Variants in RIC1 observed in about 807,000 individuals in gnomAD.
The protein encoded by RIC1 is RIC1 partner of RAB6A GEF complex.
In RIC1, 88 loss-of-function variants were observed where a neutral mutation model predicts 169.0. The observed-to-expected ratio is 0.52, with a 90% CI of 0.44 to 0.62. The LOEUF is 0.62. Among genes scored for constraint, RIC1 ranks in the 20% least tolerant of loss-of-function variants. The pLI is 0.00. For missense variants in RIC1, 1,877 were observed against 1,725.5 expected, an observed-to-expected ratio of 1.09 and a Z score of -1.56; for synonymous variants, 790 against 601.5, an observed-to-expected ratio of 1.31 and a Z score of -4.59.
chr9:5,721,174 G>A (rs1381470769), intron 6 of RIC1, among the ~76,000 whole-genome samples: 1 of 152,056 alleles, frequency 6.6e-6, no homozygotes, highest in East Asian at 1.9e-4. Flanking sequence ...TAGTTATTGT[G>A]ATTTTGATTA....
Position 5,754,942 on chromosome 9 carries a change from C to G in RIC1, c.1692+12C>G. 6.8e-7 allele frequency: 1 copy of G among 1,469,134 alleles called. No homozygotes were observed. The highest frequency in any genetic ancestry group is 1.8e-5 in the Admixed American group (1 of 55,580). 91.0% of individuals were successfully genotyped at this position (1,469,134 alleles called of 1,614,324 possible). A position where few individuals can be genotyped will look rare whatever the true frequency, so the allele number is the denominator to read the frequency against. The stretch of plus-strand genomic sequence containing the variant: ...ACCGTCAAGAAGAGGTAAGTTTTTT[C>G]TCTCAGAAATAACAGATTTTTATAT... On this transcript the variant is annotated intron_variant, in intron 15 of 25. Transcript: ENST00000414202.
chr9:5,701,784 T>G (rs1046892607), intron 3 of RIC1, among the ~76,000 whole-genome samples: 1 of 152,174 alleles, frequency 6.6e-6, no homozygotes, highest in Non-Finnish European at 1.5e-5. Context: ...CAATTTTGCT[T>G]TTAGTGAGAA....
intron 3 of RIC1, among the ~76,000 whole-genome samples, chr9:5,703,131 C>A (rs936530060): frequency 6.6e-6 from 1 of 152,148 alleles, no homozygotes; most frequent in African/African-American, 2.4e-5. Context: ...ACTCAAAAGT[C>A]CGAAGTCTCA....
chr9:5,710,199 G>A (rs932924957), intron 3 of RIC1, among the ~76,000 whole-genome samples: 10 of 152,166 alleles, frequency 6.6e-5, no homozygotes, highest in African/African-American at 1.9e-4. Context: ...AGAAGGACTG[G>A]TACTACAGAA....
chr9:5,630,802 T>C (rs1817681072), intron 1 of RIC1, among the ~76,000 whole-genome samples: 1 of 152,200 alleles, frequency 6.6e-6, no homozygotes, highest in Non-Finnish European at 1.5e-5. Flanking sequence ...ATATAAAGTA[T>C]CATCTGGTTC....
chr9:5,704,117 C>G (rs113079296), intron 3 of RIC1, among the ~76,000 whole-genome samples: 178 of 151,732 alleles, frequency 1.2e-3, no homozygotes, highest in Non-Finnish European at 2.0e-3. Context: ...ATGTGTATTT[C>G]CCTAATGATT....
Position 5,679,448 on chromosome 9 carries a change from G to A in RIC1, c.253-10511G>A, listed in dbSNP as rs185656450. 1.6e-3 allele frequency among the ~76,000 whole-genome samples: 237 copies of A among 152,260 alleles called. 1 individual carries two copies. The highest frequency in any genetic ancestry group is 0.014 in the East Asian group (73 of 5,184). On this transcript the variant is annotated intron_variant, in intron 2 of 25. Transcript: ENST00000414202. ...CCTTGAGCAGTATGGCTATTTTCAC[G>A]ATATTGATTCTTCCTATCCATGAGC...
intron 12 of RIC1, among the ~76,000 whole-genome samples, chr9:5,751,245 GTGAC>G (rs1318989614): frequency 6.6e-6 from 1 of 150,902 alleles, no homozygotes; most frequent in Non-Finnish European, 1.5e-5. Context: ...CCTGCTGTGA[GTGAC>G]TGCTGAAAAA....
chr9:5,721,559 A>C (rs955159971), intron 6 of RIC1, among the ~76,000 whole-genome samples: 1 of 152,220 alleles, frequency 6.6e-6, no homozygotes, highest in Non-Finnish European at 1.5e-5. Flanking sequence ...AGAATCACTC[A>C]GGAAACGGCA....
chr9:5,652,628 A>T (rs539714061), intron 1 of RIC1, among the ~76,000 whole-genome samples: 4 of 151,842 alleles, frequency 2.6e-5, no homozygotes, highest in Non-Finnish European at 5.9e-5. Context: ...TATATGTAAG[A>T]TTGTGTTACC....
chr9:5,728,348 C>T (rs572765664), intron 6 of RIC1, among the ~76,000 whole-genome samples: 4 of 152,384 alleles, frequency 2.6e-5, no homozygotes, highest in African/African-American at 9.6e-5. Context: ...AAGCCAGGCG[C>T]AGGATATAAT....
At chr9:5,697,770 T>C (rs2130754401) in intron 3 of RIC1, among the ~76,000 whole-genome samples, 1 of 152,284 alleles carries the variant, frequency 6.6e-6, no homozygotes, top group Admixed American at 6.5e-5. Context: ...TTCAGAATCA[T>C]CTCAAATGGA....
intron 3 of RIC1, among the ~76,000 whole-genome samples, chr9:5,707,134 T>A (rs1199820201): frequency 6.6e-6 from 1 of 152,194 alleles, no homozygotes; most frequent in African/African-American, 2.4e-5. Flanking sequence ...CTTTTGGTTC[T>A]TCTTTGAGTC....
intron 21 of RIC1, 65 bp from the exon 22 acceptor site, chr9:5,768,905 G>T: frequency 6.6e-7 from 1 of 1,505,482 alleles, no homozygotes; most frequent in Non-Finnish European, 8.9e-7. Flanking sequence ...GTACCTCTGC[G>T]TAATAAGGAT....
intron 3 of RIC1, among the ~76,000 whole-genome samples, chr9:5,691,548 A>G (rs756430283): frequency 1.1e-4 from 17 of 151,996 alleles, no homozygotes; most frequent in Admixed American, 2.6e-4. Flanking sequence ...ACACATAAAT[A>G]TAGTGCAAAA....
intron 2 of RIC1, among the ~76,000 whole-genome samples, chr9:5,658,420 A>G (rs1819241712): frequency 6.6e-6 from 1 of 152,124 alleles, no homozygotes. Flanking sequence ...AAAGTGCAGT[A>G]AAAGTAAGTT....
At position 5,747,188 on chromosome 9, in the gene RIC1, A is replaced by G. The variant is rs554028802; in HGVS notation, c.1249-114A>G. ...GTGAAGAAAATCAACATCGAGATAC[A>G]TGTACATTTCCTATAATAAAACTAA... On this transcript the variant is annotated intron_variant, in intron 11 of 25. Coordinates refer to ENST00000414202, the MANE Select transcript of RIC1 (RefSeq NM_020829.4). The G allele has an allele frequency of 2.4e-5, 18 of 735,200 alleles. 1 individual carries two copies. In the Middle Eastern group the frequency reaches 1.0e-3, roughly 42 times the overall value. 45.5% of individuals were successfully genotyped at this position (735,200 alleles called of 1,614,324 possible).
chr9:5,686,686 GTT>G (rs1041914836), intron 2 of RIC1, among the ~76,000 whole-genome samples: 7 of 151,498 alleles, frequency 4.6e-5, no homozygotes, highest in Non-Finnish European at 7.4e-5. Flanking sequence ...TAGATGACGA[GTT>G]AGTGGGTGCA....
intron 2 of RIC1, among the ~76,000 whole-genome samples, chr9:5,659,741 A>G (rs1274944580): frequency 6.6e-6 from 1 of 152,028 alleles, no homozygotes; most frequent in Admixed American, 6.6e-5. Context: ...CATTAAATTT[A>G]TTTTTAAGTT....
Sources: gnomAD v4.1 joint callset for allele counts (sites outside exome capture counted in the v4.1 genomes callset) on GRCh38, gnomAD v4.1.1 for gene constraint, MANE v1.5 for transcripts, NCBI Gene and HGNC (gene_info 2026-07-23, HGNC 2026-07-21) for gene names.